Variants in CD83 observed in about 807,000 individuals in gnomAD.
CD83 encodes CD83 molecule.
CD83 carries 22 observed loss-of-function variants against 24.6 expected under a neutral mutation model. The observed-to-expected ratio is 0.90, with a 90% CI of 0.64 to 1.28. The LOEUF is 1.28. Among genes scored for constraint, CD83 ranks in the 50% most tolerant of loss-of-function variants. CD83 has a pLI of 0.00. For missense variants in CD83, 253 were observed against 252.8 expected (o/e 1.00, Z -0.01); for synonymous variants, 101 against 103.5 (o/e 0.98, Z 0.14).
intron 2 of CD83, among the ~76,000 whole-genome samples, chr6:14,123,432 A>G (rs1212946277): frequency 6.6e-6 from 1 of 152,196 alleles, no homozygotes; most frequent in Non-Finnish European, 1.5e-5. Context: ...ACAATGGCAT[A>G]ATGCAAAATA....
intron 2 of CD83, among the ~76,000 whole-genome samples, chr6:14,130,640 G>T (rs576567301): frequency 6.6e-6 from 1 of 152,274 alleles, no homozygotes; most frequent in Non-Finnish European, 1.5e-5. Context: ...TGAGGTGGGA[G>T]TACCAGAAGG....
chr6:14,118,515 A>C (rs189151390), intron 2 of CD83, among the ~76,000 whole-genome samples: 1 of 152,026 alleles, frequency 6.6e-6, no homozygotes, highest in African/African-American at 2.4e-5. Context: ...TGGGAGGGGG[A>C]GGGGGCAATT....
chr6:14,128,251 G>C (rs1157208009), intron 2 of CD83, among the ~76,000 whole-genome samples: 1 of 152,206 alleles, frequency 6.6e-6, no homozygotes, highest in Non-Finnish European at 1.5e-5. Flanking sequence ...TGATAAAGCA[G>C]GGTGATAGCT....
At chr6:14,121,755 G>C (rs770572572) in intron 2 of CD83, among the ~76,000 whole-genome samples, 1 of 151,950 alleles carries the variant, frequency 6.6e-6, no homozygotes, top group Non-Finnish European at 1.5e-5. Flanking sequence ...CAGCATAAAA[G>C]GGCATAGCAC....
chr6:14,124,949 T>G (rs1367989859), intron 2 of CD83, among the ~76,000 whole-genome samples: 2 of 152,156 alleles, frequency 1.3e-5, no homozygotes, highest in Non-Finnish European at 2.9e-5. Context: ...AATGATGTCC[T>G]GATAGGAGAA....
intron 2 of CD83, among the ~76,000 whole-genome samples, chr6:14,122,008 G>T (rs111710191): frequency 6.6e-6 from 1 of 152,158 alleles, no homozygotes; most frequent in South Asian, 2.1e-4. Flanking sequence ...GATGCAAAAC[G>T]AAAGAGGATA....
At chr6:14,123,524 T>C (rs943662948) in intron 2 of CD83, among the ~76,000 whole-genome samples, 68 of 152,224 alleles carry the variant, frequency 4.5e-4, no homozygotes, top group African/African-American at 1.5e-3. Flanking sequence ...GGAGACTTCA[T>C]TCTTTTCCTT....
In CD83 at chr6:14,131,749, G is replaced by A; in HGVS notation, c.382+1G>A. 6.2e-7 allele frequency: 1 copy of A among 1,600,098 alleles called. No homozygotes were observed. ...GGCAAGGTGATCTTGAGAGTGACAG[G>A]TGAGGTGACCTGCTGCACTTGTTTT... is the stretch of plus-strand genomic sequence containing the variant. On this transcript the variant is annotated splice_donor_variant, in intron 3 of 4. Transcript: ENST00000379153. LOFTEE classifies it high-confidence loss of function.
chr6:14,118,385 T>C (rs562651851), intron 2 of CD83, among the ~76,000 whole-genome samples: 1 of 152,294 alleles, frequency 6.6e-6, no homozygotes, highest in Admixed American at 6.5e-5. Flanking sequence ...AGGCCACCTG[T>C]GGTTGTGGGC....
Position 14,135,236 on chromosome 6 carries a change from A to G in CD83, c.618A>G (p.Ter206TrpextTer27). ...CTCCTCACAAGACAGAACTGGTATG[A>G]GCAGGATTTCTGCAGGTTCTTCTTC... Reference protein sequence around the residue: ...LVTPHKTELV* With the variant: ...LVTPHKTELVW Residue 206 changes from the stop codon to tryptophan (W), a stop_lost, in exon 5 of 5, where the codon TGA becomes TGG. Coordinates refer to ENST00000379153, the MANE Select transcript of CD83 (RefSeq NM_004233.4). 1 of 1,613,714 alleles carries G rather than the reference A, an allele frequency of 6.2e-7. No homozygotes were observed. Among genetic ancestry groups the G allele is most frequent in the Non-Finnish European group, 8.5e-7 (1 of 1,179,736 alleles).
upstream of CD83, chr6:14,117,763 C>CG: frequency 7.4e-7 from 1 of 1,348,686 alleles, no homozygotes; most frequent in Non-Finnish European, 9.5e-7. This position sits in a 1 kb window ranked among gnomAD's most constrained non-coding sequence, Gnocchi z 4.6. Context: ...CAGCCGGCGC[C>CG]CGCGCGCCAC....
chr6:14,124,454 A>G lies in CD83; in HGVS notation c.153+6389A>G, dbSNP rs566865358. 3.3e-4 allele frequency among the ~76,000 whole-genome samples: 50 copies of G among 152,354 alleles called. 1 individual carries two copies. Among genetic ancestry groups the G allele is most frequent in the Non-Finnish European group, 3.4e-4 (23 of 68,042 alleles). ...GGATGCTGGTTTCCATAAACAGTTC[A>G]TAATCACCTTGGACCAGCAGTTCTG... On this transcript the variant is annotated intron_variant, in intron 2 of 4. Coordinates refer to ENST00000379153, the MANE Select transcript of CD83 (RefSeq NM_004233.4).
chr6:14,127,309 G>T (rs1423004021), intron 2 of CD83, among the ~76,000 whole-genome samples: 1 of 151,960 alleles, frequency 6.6e-6, no homozygotes, highest in East Asian at 1.9e-4. Flanking sequence ...TAACAAATCT[G>T]CTATATGATA....
At position 14,133,654 on chromosome 6, in the gene CD83, C is replaced by A; in HGVS notation, c.388C>A (p.Pro130Thr). Residue 130 changes from proline (P) to threonine (T), a missense_variant, in exon 4 of 5, where the codon CCT becomes ACT. Coordinates refer to ENST00000379153, the MANE Select transcript of CD83 (RefSeq NM_004233.4). ...GKVILRVTGC[P>T]AQRKEETFKK... ...TGTCGCTTACTTTTTTAAAGGATGC[C>A]CTGCACAGCGTAAAGAAGAGACTTT... 6.2e-7 allele frequency: 1 copy of A among 1,605,512 alleles called. No homozygotes were observed. Among genetic ancestry groups the A allele is most frequent in the Non-Finnish European group, 8.5e-7 (1 of 1,174,808 alleles).
At chr6:14,119,447 A>G (rs1759620257) in intron 2 of CD83, among the ~76,000 whole-genome samples, 2 of 152,232 alleles carry the variant, frequency 1.3e-5, no homozygotes, top group Non-Finnish European at 2.9e-5. Flanking sequence ...GTAAATATTT[A>G]CATACATTAT....
chr6:14,126,997 A>G (rs771897304), intron 2 of CD83, among the ~76,000 whole-genome samples: 1 of 141,052 alleles, frequency 7.1e-6, no homozygotes, highest in South Asian at 2.3e-4. Context: ...TTATTTTTTT[A>G]TTTTTTTTTA....
intron 2 of CD83, among the ~76,000 whole-genome samples, chr6:14,120,235 T>G (rs1246325300): frequency 6.6e-6 from 1 of 152,208 alleles, no homozygotes; most frequent in Non-Finnish European, 1.5e-5. Context: ...TATTGTTCCT[T>G]TAAGCATTTT....
chr6:14,123,372 T>G (rs1381334323), intron 2 of CD83, among the ~76,000 whole-genome samples: 1 of 152,198 alleles, frequency 6.6e-6, no homozygotes, highest in Non-Finnish European at 1.5e-5. Context: ...GTGCTGGGAT[T>G]ACAGGCGTAA....
chr6:14,124,299 G>C (rs1349683337), intron 2 of CD83, among the ~76,000 whole-genome samples: 1 of 152,168 alleles, frequency 6.6e-6, no homozygotes, highest in Non-Finnish European at 1.5e-5. Flanking sequence ...AGCTTCCAGT[G>C]GTTGCCAGCA....
Sources: allele counts gnomAD v4.1 joint callset (sites outside exome capture counted in the v4.1 genomes callset), GRCh38; gene constraint gnomAD v4.1.1; non-coding constraint Gnocchi (gnomAD v3.1); transcripts MANE v1.5; gene names NCBI Gene and HGNC (gene_info 2026-07-23, HGNC 2026-07-21).